Variants in SIM1 observed in about 807,000 individuals in gnomAD.
The protein encoded by SIM1 is SIM bHLH transcription factor 1.
A neutral mutation model predicts 78.2 loss-of-function variants in SIM1; 18 were observed. The ratio of observed to expected loss-of-function variants is 0.23; its 90% CI spans 0.16 to 0.34. The LOEUF (loss-of-function observed/expected upper bound fraction) is 0.34, where lower values mean the gene tolerates loss of function less well. Ranked by LOEUF, SIM1 falls within the 10% of genes least tolerant of loss-of-function variation. SIM1 has a pLI of 1.00. For missense variants in SIM1, 939 were observed against 975.1 expected (o/e 0.96, Z 0.49); for synonymous variants, 417 against 385.2 (o/e 1.08, Z -0.97).
chr6:100,450,004 A>G (rs903456900), intron 4 of SIM1, among the ~76,000 whole-genome samples: 2 of 152,234 alleles, frequency 1.3e-5, no homozygotes, highest in Non-Finnish European at 2.9e-5. Flanking sequence ...TCATGAAATA[A>G]GTATGTAACG....
chr6:100,437,099 G>C (rs1386240699), intron 9 of SIM1, among the ~76,000 whole-genome samples: 1 of 152,028 alleles, frequency 6.6e-6, no homozygotes, highest in Non-Finnish European at 1.5e-5. Flanking sequence ...ATAGTCACTG[G>C]GCTAATGAGT....
At chr6:100,450,216 C>T in intron 4 of SIM1, 51 bp downstream of exon 4, 1 of 1,511,374 alleles carries the variant, frequency 6.6e-7, no homozygotes, top group Non-Finnish European at 9.2e-7. Flanking sequence ...ACCCCTGCTT[C>T]CAGCTCTGGC....
In SIM1 at chr6:100,388,755, A is replaced by G. The variant is rs1189898121; in HGVS notation, c.*1606T>C. 2 of 152,186 alleles carry G rather than the reference A, an allele frequency of 1.3e-5. No individual in the cohort carries two copies. Among genetic ancestry groups the G allele is most frequent in the African/African-American group, 4.8e-5 (2 of 41,448 alleles). 9.4% of individuals were successfully genotyped at this position (152,186 alleles called of 1,614,324 possible). ...ACGGGACTCCTAGGAAATATTATCT[A>G]TGAAATCTCTCTAATCACTTATATC... On this transcript the variant is annotated 3_prime_UTR_variant, in exon 12 of 12. Transcript: ENST00000369208.
chr6:100,409,637 T>G (rs185967225), intron 10 of SIM1, among the ~76,000 whole-genome samples: 4 of 152,156 alleles, frequency 2.6e-5, no homozygotes, highest in African/African-American at 9.6e-5. Context: ...TTAAGTTATA[T>G]GAAATCTTTA....
At chr6:100,459,557 G>A (rs1229395442) in intron 2 of SIM1, among the ~76,000 whole-genome samples, 1 of 152,106 alleles carries the variant, frequency 6.6e-6, no homozygotes, top group African/African-American at 2.4e-5. Flanking sequence ...TTCTTTTTCA[G>A]TTCTCTGCCT....
chr6:100,451,712 T>C (rs764464523), intron 3 of SIM1, among the ~76,000 whole-genome samples: 1 of 152,294 alleles, frequency 6.6e-6, no homozygotes, highest in Non-Finnish European at 1.5e-5. Flanking sequence ...ACTTCACTGG[T>C]AGCAGAGAGA....
chr6:100,393,443 G>C (rs1195640507), intron 11 of SIM1, 44 bp downstream of exon 11: 1 of 1,477,072 alleles, frequency 6.8e-7, no homozygotes, highest in Non-Finnish European at 9.0e-7. Flanking sequence ...AACCTGCCCA[G>C]GGCCTAATGC....
rs777257883 is a variant in SIM1 at position 100,447,316 on chromosome 6, C to T, written c.950G>A (p.Ser317Asn). The change falls in exon 9 of 12, where the codon AGT becomes AAT. Residue 317 changes from serine to asparagine, a missense_variant. Physicochemically the swap from Ser to Asn is conservative, Grantham distance 46. Transcript: ENST00000369208. ...VQSYATIVHN[S>N]RSSRPHCIVS... ...GATACAGTGTGGCCTGGAGGAGCGACTGTTGTGCACGATGGTCGCGTAGCT... is the reference window on the plus strand; with the variant it reads ...GATACAGTGTGGCCTGGAGGAGCGATTGTTGTGCACGATGGTCGCGTAGCT... The T allele has an allele frequency of 6.2e-7, 1 of 1,614,238 alleles. No homozygotes were observed. The highest frequency in any genetic ancestry group is 1.1e-5 in the South Asian group (1 of 91,086).
In SIM1 at chr6:100,419,787, A is replaced by G. The variant is rs147580381; in HGVS notation, c.1167+1003T>C. On this transcript the variant is annotated intron_variant, in intron 10 of 11. Transcript: ENST00000369208. ...CTCCTGAGTAGCTGGGACTACAGGC[A>G]CACGCCACCACACCTGGCTAATTTT... is the stretch of plus-strand genomic sequence containing the variant. 7.5e-3 allele frequency among the ~76,000 whole-genome samples: 1,148 copies of G among 152,164 alleles called. 10 individuals are homozygous for G. Among genetic ancestry groups the G allele is most frequent in the African/African-American group, 0.027 (1,104 of 41,510 alleles).
At chr6:100,447,163 T>C in intron 9 of SIM1, 105 bp downstream of exon 9, 6 of 1,326,940 alleles carry the variant, frequency 4.5e-6, no homozygotes, top group Non-Finnish European at 3.1e-6. Flanking sequence ...AAAATGGCAT[T>C]CCCCGTGGCC....
chr6:100,406,486 C>T (rs913164817), intron 10 of SIM1, among the ~76,000 whole-genome samples: 2 of 152,102 alleles, frequency 1.3e-5, no homozygotes, highest in African/African-American at 4.8e-5. Flanking sequence ...CAACCTTGTG[C>T]ACGCTGAAAG....
At chr6:100,442,993 T>C (rs1190908947) in intron 9 of SIM1, among the ~76,000 whole-genome samples, 2 of 152,132 alleles carry the variant, frequency 1.3e-5, no homozygotes, top group African/African-American at 2.4e-5. Context: ...GGTAAGTTGT[T>C]GTGGTTAACA....
At chr6:100,444,455 G>A (rs1012079408) in intron 9 of SIM1, among the ~76,000 whole-genome samples, 2 of 152,088 alleles carry the variant, frequency 1.3e-5, no homozygotes, top group African/African-American at 2.4e-5. Flanking sequence ...GTTTTGTTTT[G>A]TTTTCTTTTG....
chr6:100,404,755 G>A (rs1287436969), intron 10 of SIM1, among the ~76,000 whole-genome samples: 1 of 152,194 alleles, frequency 6.6e-6, no homozygotes, highest in Non-Finnish European at 1.5e-5. Flanking sequence ...AAATTGCCAG[G>A]AGTTTTCTCA....
intron 9 of SIM1, among the ~76,000 whole-genome samples, chr6:100,423,339 T>C (rs892117665): frequency 6.6e-6 from 1 of 152,160 alleles, no homozygotes; most frequent in African/African-American, 2.4e-5. Flanking sequence ...TCCTGACTGC[T>C]AAAGCTATTT....
intron 10 of SIM1, among the ~76,000 whole-genome samples, chr6:100,406,843 AAACTT>A (rs1474357954): frequency 6.6e-6 from 1 of 152,186 alleles, no homozygotes; most frequent in Admixed American, 6.5e-5. Context: ...TGTGGTGTGA[AAACTT>A]AAGATTATTC....
intron 10 of SIM1, among the ~76,000 whole-genome samples, chr6:100,413,780 T>C (rs570427918): frequency 6.6e-6 from 1 of 152,220 alleles, no homozygotes; most frequent in Non-Finnish European, 1.5e-5. Context: ...TATACTGTTG[T>C]GCTCCAAAGC....
At chr6:100,439,280 T>C (rs1036725353) in intron 9 of SIM1, among the ~76,000 whole-genome samples, 1 of 152,120 alleles carries the variant, frequency 6.6e-6, no homozygotes, top group African/African-American at 2.4e-5. Context: ...AAGAACAACA[T>C]GACAAATGTA....
intron 9 of SIM1, among the ~76,000 whole-genome samples, chr6:100,434,553 G>A (rs1375604555): frequency 6.6e-6 from 1 of 152,210 alleles, no homozygotes; most frequent in Non-Finnish European, 1.5e-5. Context: ...AAGCACGAGA[G>A]TAAAATGAAT....
Sources: gnomAD v4.1 joint callset for allele counts (sites outside exome capture counted in the v4.1 genomes callset) on GRCh38, gnomAD v4.1.1 for gene constraint, MANE v1.5 for transcripts, NCBI Gene and HGNC (gene_info 2026-07-23, HGNC 2026-07-21) for gene names.